The following PCDHA13 variants were observed in gnomAD, a reference collection of about 807,000 sequenced individuals.
The protein encoded by PCDHA13 is protocadherin alpha-13.
In PCDHA13, 54 loss-of-function variants were observed where a neutral mutation model predicts 64.8. The observed-to-expected ratio is 0.83, with a 90% confidence interval of 0.67 to 1.04. PCDHA13 has a LOEUF of 1.04. PCDHA13 is among the 50% of genes least tolerant of loss of function. The pLI is 0.00. For missense variants in PCDHA13, 1,248 were observed against 1,254.3 expected (o/e 0.99, Z 0.08); for synonymous variants, 587 against 564.4 (o/e 1.04, Z -0.57).
intron 1 of PCDHA13, among the ~76,000 whole-genome samples, chr5:140,937,688 G>A (rs112584533): frequency 0.018 from 2,711 of 151,860 alleles, 77 homozygotes; most frequent in African/African-American, 0.063. Context: ...TGAGGCAGGC[G>A]GATCACGAGG....
intron 3 of PCDHA13, among the ~76,000 whole-genome samples, chr5:140,992,705 T>C (rs1291266922): frequency 6.6e-6 from 1 of 152,188 alleles, no homozygotes; most frequent in African/African-American, 2.4e-5. Flanking sequence ...GTAATGTTCC[T>C]GCCAGTATTC....
At chr5:140,966,670 G>C in intron 1 of PCDHA13, 1 of 1,283,064 alleles carries the variant, frequency 7.8e-7, no homozygotes, top group Non-Finnish European at 1.0e-6. Flanking sequence ...AGCAGGCGCA[G>C]GGTGGCACGA....
chr5:140,926,212 T>G (rs1261895253), intron 1 of PCDHA13, among the ~76,000 whole-genome samples: 2 of 152,204 alleles, frequency 1.3e-5, no homozygotes, highest in Non-Finnish European at 2.9e-5. Context: ...GGGCTCCTGT[T>G]TCCTTAAGCC....
intron 3 of PCDHA13, among the ~76,000 whole-genome samples, chr5:140,997,083 A>C (rs1267571178): frequency 2.6e-5 from 4 of 152,174 alleles, no homozygotes; most frequent in Non-Finnish European, 5.9e-5. Flanking sequence ...AGTTGAGTAG[A>C]AAGTGCAGAG....
rs565071573 is a variant in PCDHA13, at chr5:141,009,664, G to C, written c.2580G>C (p.Ala860=). 1.7e-4 allele frequency: 273 copies of C among 1,613,982 alleles called. 2 individuals are homozygous for C. In the South Asian group the frequency reaches 2.8e-3, roughly 17 times the overall value. ...GAGAAGTGTCCCCTCCAGTCGGTGC[G>C]GGTGTCAACAGCAACAGCTGGACCT... ...EAGEVSPPVG[A]GVNSNSWTFK... The change falls in exon 4 of 4, where the codon GCG becomes GCC. Residue 860 remains alanine, a synonymous_variant. Transcript: ENST00000289272.
intron 1 of PCDHA13, chr5:140,969,232 C>A (rs138367129): frequency 1.9e-4 from 314 of 1,614,066 alleles, no homozygotes; most frequent in Non-Finnish European, 2.5e-4. Flanking sequence ...CTTCGGGAGC[C>A]CAAGCAGCAG....
At chr5:140,949,597 C>T (rs1279469149) in intron 1 of PCDHA13, among the ~76,000 whole-genome samples, 1 of 151,600 alleles carries the variant, frequency 6.6e-6, no homozygotes, top group African/African-American at 2.4e-5. Flanking sequence ...TTAATGTGGC[C>T]ATTCTAGTCT....
At chr5:140,967,166 G>T (rs563863114) in intron 1 of PCDHA13, 1 of 1,611,394 alleles carries the variant, frequency 6.2e-7, no homozygotes, top group South Asian at 1.1e-5. Context: ...GGTGAGCGCC[G>T]TTGAGGTGGA....
chr5:140,988,445 A>G (rs1554250148), intron 3 of PCDHA13, among the ~76,000 whole-genome samples: 2 of 152,168 alleles, frequency 1.3e-5, no homozygotes, highest in African/African-American at 2.4e-5. Context: ...ATTGACCTGA[A>G]GGGAGGAAGC....
At chr5:140,897,656 C>T (rs2153457504) in intron 1 of PCDHA13, among the ~76,000 whole-genome samples, 1 of 152,200 alleles carries the variant, frequency 6.6e-6, no homozygotes, top group Non-Finnish European at 1.5e-5. Flanking sequence ...CATACGTGTG[C>T]ATGTGTCTTT....
At chr5:140,927,893 A>G (rs1554205201) in intron 1 of PCDHA13, 1 of 1,614,050 alleles carries the variant, frequency 6.2e-7, no homozygotes, top group Non-Finnish European at 8.5e-7. Flanking sequence ...ACTGACGTGA[A>G]CGATCATGCC....
At chr5:140,914,613 G>A (rs2076780862) in intron 1 of PCDHA13, among the ~76,000 whole-genome samples, 1 of 151,852 alleles carries the variant, frequency 6.6e-6, no homozygotes, top group Non-Finnish European at 1.5e-5. Flanking sequence ...CTGCCATTTT[G>A]TAATTTGTTT....
At chr5:140,967,156 G>A (rs1169438367) in intron 1 of PCDHA13, 1 of 1,610,422 alleles carries the variant, frequency 6.2e-7, no homozygotes, top group Admixed American at 1.7e-5. Context: ...ACCCCGTGGC[G>A]GTGAGCGCCG....
At chr5:140,897,682 A>G (rs1397590916) in intron 1 of PCDHA13, among the ~76,000 whole-genome samples, 3 of 152,186 alleles carry the variant, frequency 2.0e-5, no homozygotes, top group Non-Finnish European at 4.4e-5. Flanking sequence ...AGCATGATTT[A>G]TAGTCCTTTG....
intron 1 of PCDHA13, among the ~76,000 whole-genome samples, chr5:140,941,202 C>CCTTCCTTTCTTTCTTT (rs1554213920): frequency 7.0e-4 from 86 of 122,822 alleles, no homozygotes; most frequent in Admixed American, 2.1e-3. Context: ...TTTCTTTCTT[C>CCTTCCTTTCTTTCTTT]CTTTCTTTCT....
chr5:140,964,138 C>T (rs529852998), intron 1 of PCDHA13, among the ~76,000 whole-genome samples: 1 of 152,300 alleles, frequency 6.6e-6, no homozygotes, highest in Admixed American at 6.5e-5. Flanking sequence ...GTAAGGTTGG[C>T]AGGAGCCTCA....
intron 1 of PCDHA13, among the ~76,000 whole-genome samples, chr5:140,900,435 G>A (rs1219799362): frequency 3.3e-5 from 5 of 152,088 alleles, no homozygotes; most frequent in African/African-American, 9.7e-5. Context: ...GTGCCACCAC[G>A]GCCGGCTAAT....
intron 1 of PCDHA13, chr5:140,966,970 G>A (rs1554228990): frequency 6.2e-7 from 1 of 1,602,870 alleles, no homozygotes; most frequent in Admixed American, 1.7e-5. Flanking sequence ...TGGGGCTTGA[G>A]CTGCGGCGCT....
chr5:140,987,336 A>G (rs2097249605), intron 3 of PCDHA13, among the ~76,000 whole-genome samples: 1 of 152,200 alleles, frequency 6.6e-6, no homozygotes, highest in Admixed American at 6.5e-5. Context: ...GAACTGGTCT[A>G]AGGTAAATAT....
Sources: gnomAD v4.1 joint callset for allele counts (sites outside exome capture counted in the v4.1 genomes callset) on GRCh38, gnomAD v4.1.1 for gene constraint, MANE v1.5 for transcripts, NCBI Gene and HGNC (gene_info 2026-07-23, HGNC 2026-07-21) for gene names.